The following DNAJC3 variants were observed in gnomAD, a reference collection of about 807,000 sequenced individuals.
The protein encoded by DNAJC3 is dnaJ homolog subfamily C member 3.
DNAJC3 carries 38 observed loss-of-function variants against 68.6 expected under a neutral mutation model. That is an observed-to-expected ratio of 0.55 (90% CI 0.43 to 0.73). The LOEUF (loss-of-function observed/expected upper bound fraction) is 0.73, where lower values mean the gene tolerates loss of function less well. Among genes scored for constraint, DNAJC3 ranks in the 30% least tolerant of loss-of-function variants. The pLI is 0.00. For missense variants in DNAJC3, 526 were observed against 591.9 expected (o/e 0.89, Z 1.16); for synonymous variants, 203 against 204.0 (o/e 1.00, Z 0.04).
At chr13:95,710,844 GC>G (rs1566477669) in intron 2 of DNAJC3, among the ~76,000 whole-genome samples, 1 of 151,938 alleles carries the variant, frequency 6.6e-6, no homozygotes, top group Non-Finnish European at 1.5e-5. Context: ...ATGCCATCAT[GC>G]CCAGCTAATT....
chr13:95,755,963 C>T (rs534263147), intron 4 of DNAJC3, among the ~76,000 whole-genome samples: 1 of 152,032 alleles, frequency 6.6e-6, no homozygotes, highest in Non-Finnish European at 1.5e-5. Context: ...GACCTGAGCT[C>T]ACTCCCTCTT....
intron 4 of DNAJC3, among the ~76,000 whole-genome samples, chr13:95,749,413 T>C (rs890143738): frequency 1.3e-5 from 2 of 152,172 alleles, no homozygotes; most frequent in African/African-American, 4.8e-5. Flanking sequence ...TGCTGAGATA[T>C]GGGCCAAAGG....
At position 95,784,956 on chromosome 13, in the gene DNAJC3, T is replaced by A. The variant is rs529627129; in HGVS notation, c.1076-983T>A. ...CAGAGACCCTGTCTCTTAAAATTTT[T>A]AAAAAAAAATACTGTGTAATAAAAT... On this transcript the variant is annotated intron_variant, in intron 9 of 11. Transcript: ENST00000602402. Among the ~76,000 whole-genome samples the A allele has an allele frequency of 7.3e-3, 1,109 of 151,662 alleles. 16 individuals are homozygous for A. The highest frequency in any genetic ancestry group is 5.1e-3 in the Non-Finnish European group (345 of 67,862).
In DNAJC3 at chr13:95,763,713, C is replaced by G; in HGVS notation, c.919C>G (p.Arg307Gly). 1 of 1,613,950 alleles carries G rather than the reference C, an allele frequency of 6.2e-7. No individual in the cohort carries two copies. Among genetic ancestry groups the G allele is most frequent in the Non-Finnish European group, 8.5e-7 (1 of 1,179,900 alleles). Residue 307 changes from arginine (R) to glycine (G), a missense_variant, in exon 8 of 12, where the codon CGT becomes GGT. Physicochemically the swap from Arg to Gly is moderately radical, Grantham distance 125. Transcript: ENST00000602402. ...GCCAAGCATTGCTGAATATACAGTT[C>G]GTTCAAAGGAGAGGATTTGCCACTG... ...TEPSIAEYTV[R>G]SKERICHCFS... is the part of the protein sequence containing the mutation.
At chr13:95,771,659 G>C (rs994585227) in intron 9 of DNAJC3, among the ~76,000 whole-genome samples, 3 of 152,140 alleles carry the variant, frequency 2.0e-5, no homozygotes, top group African/African-American at 7.2e-5. Flanking sequence ...CTAGGGTCTG[G>C]ATCTAGTCAG....
intron 2 of DNAJC3, among the ~76,000 whole-genome samples, chr13:95,713,372 A>T (rs1881037044): frequency 6.8e-6 from 1 of 147,220 alleles, no homozygotes; most frequent in Admixed American, 6.6e-5. Flanking sequence ...GTAGCAACAG[A>T]GTCTCTCTAT....
intron 5 of DNAJC3, among the ~76,000 whole-genome samples, chr13:95,758,769 G>A (rs1389655891): frequency 1.3e-5 from 2 of 152,172 alleles, no homozygotes; most frequent in Admixed American, 6.5e-5. Context: ...AATGGAAGCA[G>A]TCGTAATTCA....
chr13:95,709,273 G>T lies in DNAJC3; in HGVS notation c.129G>T (p.Leu43Phe), dbSNP rs1409277473. 6.3e-7 allele frequency: 1 copy of T among 1,588,712 alleles called. No individual in the cohort carries two copies. The highest frequency in any genetic ancestry group is 2.3e-5 in the East Asian group (1 of 43,390). ...CAGATGTTGAGAAACATCTTGAATT[G>T]GGCAAGAAATTACTTGCAGCTGGAC... ...VNADVEKHLELGKKLLAAGQL... is the reference protein window; with the variant it reads ...VNADVEKHLEFGKKLLAAGQL... Residue 43 changes from leucine to phenylalanine, a missense_variant, in exon 2 of 12, where the codon TTG (leucine) becomes TTT (phenylalanine). Leu to Phe is a conservative substitution (Grantham distance 22). Transcript: ENST00000602402.
chr13:95,736,341 T>G (rs1881917980), intron 4 of DNAJC3, among the ~76,000 whole-genome samples: 1 of 151,210 alleles, frequency 6.6e-6, no homozygotes, highest in Non-Finnish European at 1.5e-5. Flanking sequence ...TAAAGTAGTT[T>G]TTTCCAATTC....
At chr13:95,677,794 T>C (rs1340754559) in intron 1 of DNAJC3, among the ~76,000 whole-genome samples, 1 of 152,166 alleles carries the variant, frequency 6.6e-6, no homozygotes, top group African/African-American at 2.4e-5. Context: ...AGGAGTGTCA[T>C]GTCCGGCTGG....
chr13:95,782,008 C>T (rs147514503), intron 9 of DNAJC3, among the ~76,000 whole-genome samples: 384 of 152,194 alleles, frequency 2.5e-3, no homozygotes, highest in African/African-American at 8.9e-3. Context: ...CCTGTGTCCA[C>T]ATGTTCCCAT....
chr13:95,726,457 G>T (rs1010678422), intron 4 of DNAJC3, among the ~76,000 whole-genome samples: 1 of 152,074 alleles, frequency 6.6e-6, no homozygotes, highest in Admixed American at 6.5e-5. Context: ...GTGTTTTTTG[G>T]CTGCATAAAT....
intron 4 of DNAJC3, among the ~76,000 whole-genome samples, chr13:95,751,204 C>G (rs1292108085): frequency 6.6e-6 from 1 of 152,178 alleles, no homozygotes; most frequent in Non-Finnish European, 1.5e-5. Flanking sequence ...CTCCTGCACT[C>G]CAGCCAGAGT....
Position 95,708,582 on chromosome 13 carries a change from T to C in DNAJC3, c.83-645T>C, listed in dbSNP as rs374628313. Among the ~76,000 whole-genome samples the C allele has an allele frequency of 3.9e-5, 6 of 152,306 alleles. No individual in the cohort carries two copies. The East Asian group carries it at 7.7e-4, about 20-fold the overall frequency. Reference sequence around the variant, plus strand: ...TCTGCATGGTGAGTTCCTCATTTTTTTCAAGTCTTGCTCAGATGTCAGTTT... The same window carrying C: ...TCTGCATGGTGAGTTCCTCATTTTTCTCAAGTCTTGCTCAGATGTCAGTTT... On this transcript the variant is annotated intron_variant, in intron 1 of 11. Coordinates refer to ENST00000602402, the MANE Select transcript of DNAJC3 (RefSeq NM_006260.5).
rs117890333 is a variant in DNAJC3 at position 95,756,938 on chromosome 13, G to A, written c.394-706G>A. On this transcript the variant is annotated intron_variant, in intron 4 of 11. Coordinates refer to ENST00000602402, the MANE Select transcript of DNAJC3 (RefSeq NM_006260.5). Reference sequence around the variant, plus strand: ...GGGGTGATGGAAATGGTCTAAAACTGTGGTGATGGCTGCACAACTTGGTAA... The same window carrying A: ...GGGGTGATGGAAATGGTCTAAAACTATGGTGATGGCTGCACAACTTGGTAA... Among the ~76,000 whole-genome samples, 9 of 152,206 alleles carry A rather than the reference G, an allele frequency of 5.9e-5. No homozygotes were observed. The East Asian group carries it at 1.7e-3, about 29-fold the overall frequency.
intron 7 of DNAJC3, among the ~76,000 whole-genome samples, chr13:95,761,519 C>T (rs1484088956): frequency 6.6e-6 from 1 of 152,156 alleles, no homozygotes; most frequent in African/African-American, 2.4e-5. Context: ...CAACATCTTG[C>T]AGACTATAAC....
chr13:95,725,140 T>C, intron 3 of DNAJC3, 38 bp from the exon 4 acceptor site: 3 of 1,371,260 alleles, frequency 2.2e-6, no homozygotes, highest in Non-Finnish European at 2.9e-6. Flanking sequence ...TAGAAATCTA[T>C]AATATTCAAG....
intron 11 of DNAJC3, among the ~76,000 whole-genome samples, chr13:95,790,399 A>G (rs1883732288): frequency 6.6e-6 from 1 of 152,098 alleles, no homozygotes; most frequent in African/African-American, 2.4e-5. Flanking sequence ...GTTGTATGTT[A>G]TGGAGGCCCC....
At chr13:95,698,389 G>A (rs991079283) in intron 1 of DNAJC3, among the ~76,000 whole-genome samples, 1 of 152,180 alleles carries the variant, frequency 6.6e-6, no homozygotes, top group African/African-American at 2.4e-5. Context: ...TTTAGCAGTG[G>A]GTCAGGGCGA....
Sources: allele counts gnomAD v4.1 joint callset (sites outside exome capture counted in the v4.1 genomes callset), GRCh38; gene constraint gnomAD v4.1.1; transcripts MANE v1.5; gene names NCBI Gene and HGNC (gene_info 2026-07-23, HGNC 2026-07-21).